PTPRK: variants seen among roughly 807,000 people sequenced by gnomAD.
The protein encoded by PTPRK is receptor-type tyrosine-protein phosphatase kappa.
PTPRK carries 75 observed loss-of-function variants against 178.0 expected under a neutral mutation model. The ratio of observed to expected loss-of-function variants is 0.42; its 90% CI spans 0.35 to 0.51. The LOEUF is 0.51. PTPRK is among the 20% of genes least tolerant of loss of function. The pLI is 0.02. For synonymous variants in PTPRK, 637 were observed against 620.6 expected (o/e 1.03, Z -0.39); for missense variants, 1,441 against 1,797.8 (o/e 0.80, Z 3.59).
chr6:128,251,469 T>TA (rs1439529295), intron 3 of PTPRK, among the ~76,000 whole-genome samples: 2 of 152,162 alleles, frequency 1.3e-5, no homozygotes, highest in Non-Finnish European at 1.5e-5. Flanking sequence ...GTCCTGAGAT[T>TA]AAAAATGGCT....
chr6:128,016,059 AT>A (rs1413049164), intron 13 of PTPRK, among the ~76,000 whole-genome samples: 1 of 151,930 alleles, frequency 6.6e-6, no homozygotes, highest in African/African-American at 2.4e-5. Flanking sequence ...TTTGACTGAA[AT>A]TTGTATTACA....
intron 22 of PTPRK, among the ~76,000 whole-genome samples, chr6:127,984,168 C>T (rs1291510711): frequency 6.6e-6 from 1 of 152,082 alleles, no homozygotes; most frequent in Non-Finnish European, 1.5e-5. Context: ...TTTTAATACA[C>T]ATAATGTAGA....
At chr6:128,379,702 A>G (rs1300272907) in intron 2 of PTPRK, among the ~76,000 whole-genome samples, 2 of 152,190 alleles carry the variant, frequency 1.3e-5, no homozygotes, top group African/African-American at 4.8e-5. Flanking sequence ...AAAAACAGCA[A>G]ATCCTTTACA....
At chr6:128,238,208 G>GAAA in intron 5 of PTPRK, 3 of 252,862 alleles carry the variant, frequency 1.2e-5, no homozygotes, top group East Asian at 2.2e-4. Flanking sequence ...AAAAAGAAAA[G>GAAA]AAAAAAAAAA....
chr6:128,485,315 C>T (rs1020753612), intron 1 of PTPRK, among the ~76,000 whole-genome samples: 5 of 152,198 alleles, frequency 3.3e-5, no homozygotes, highest in African/African-American at 9.7e-5. Flanking sequence ...AGTTCTGCTG[C>T]CATCAGATTT....
Position 128,221,172 on chromosome 6 carries a change from C to A in PTPRK, c.694-2076G>T, listed in dbSNP as rs565323269. 3.9e-5 allele frequency among the ~76,000 whole-genome samples: 6 copies of A among 152,236 alleles called. No individual in the cohort carries two copies. The South Asian group carries it at 1.2e-3, about 32-fold the overall frequency. On this transcript the variant is annotated intron_variant, in intron 5 of 29. Transcript: ENST00000368226. ...TTATTGTTTTCTATGATTTTTTGTA[C>A]ATTTGAAATTATATTTTTAGAGTAA...
rs535311665 is a variant in PTPRK, at chr6:128,067,701, G to C, written c.1975C>G (p.Gln659Glu). ...GGTGCACCCCCACTCATGGCATTTT[G>C]GTATGTGACAGGAACCTGGTAGCAT... The part of the protein sequence containing the change: ...MECYQVPVTY[Q>E]NAMSGGAPYY... Residue 659 changes from glutamine to glutamate, a missense_variant, in exon 12 of 30, where the codon CAA becomes GAA. Physicochemically the swap from Gln to Glu is conservative, Grantham distance 29. Coordinates refer to ENST00000368226, the MANE Select transcript of PTPRK (RefSeq NM_002844.4). The C allele has an allele frequency of 8.1e-6, 13 of 1,613,700 alleles. No homozygotes were observed. The highest frequency in any genetic ancestry group is 1.0e-5 in the Non-Finnish European group (12 of 1,179,744).
At chr6:128,169,287 A>G (rs888528394) in intron 7 of PTPRK, among the ~76,000 whole-genome samples, 10 of 152,108 alleles carry the variant, frequency 6.6e-5, no homozygotes, top group African/African-American at 2.2e-4. Context: ...TTATTTCAGC[A>G]TCTACATGTA....
chr6:128,368,198 A>C (rs1297446759), intron 2 of PTPRK, among the ~76,000 whole-genome samples: 2 of 152,110 alleles, frequency 1.3e-5, no homozygotes, highest in Admixed American at 6.6e-5. Context: ...GCAGAGACTA[A>C]ATTTAATGAA....
At chr6:128,138,048 CTT>C (rs1270635018) in intron 7 of PTPRK, among the ~76,000 whole-genome samples, 1 of 152,136 alleles carries the variant, frequency 6.6e-6, no homozygotes, top group Non-Finnish European at 1.5e-5. Flanking sequence ...AAAATAAAGA[CTT>C]ATTATTATCA....
chr6:128,254,905 C>T (rs1266588344), intron 3 of PTPRK, among the ~76,000 whole-genome samples: 2 of 152,104 alleles, frequency 1.3e-5, no homozygotes, highest in African/African-American at 2.4e-5. Context: ...ATTATAAAGG[C>T]TTGAAACTCT....
chr6:128,520,137 C>T (rs1281475638), intron 1 of PTPRK, 122 bp downstream of exon 1: 5 of 833,500 alleles, frequency 6.0e-6, no homozygotes, highest in African/African-American at 1.7e-5. Flanking sequence ...ACCCTGTGTT[C>T]CCCACCCCCG....
At chr6:128,253,602 G>A (rs1292388294) in intron 3 of PTPRK, among the ~76,000 whole-genome samples, 1 of 152,134 alleles carries the variant, frequency 6.6e-6, no homozygotes, top group Non-Finnish European at 1.5e-5. Context: ...CAATCCACAA[G>A]CAGAACCTTT....
At chr6:128,302,416 A>G (rs1426744141) in intron 3 of PTPRK, among the ~76,000 whole-genome samples, 1 of 150,294 alleles carries the variant, frequency 6.7e-6, no homozygotes, top group African/African-American at 2.5e-5. Flanking sequence ...AAAAAAAAAA[A>G]AGCCAGGAAA....
At chr6:128,511,556 C>G (rs1284140359) in intron 1 of PTPRK, among the ~76,000 whole-genome samples, 1 of 152,130 alleles carries the variant, frequency 6.6e-6, no homozygotes, top group Non-Finnish European at 1.5e-5. Flanking sequence ...CTAAGAAGCT[C>G]CTGGAATACC....
intron 6 of PTPRK, among the ~76,000 whole-genome samples, chr6:128,212,404 G>C (rs1808365272): frequency 1.3e-5 from 2 of 151,896 alleles, no homozygotes; most frequent in African/African-American, 4.8e-5. Context: ...TTTATTTTTG[G>C]TTTGGGGTAA....
chr6:128,146,553 C>G (rs942817088), intron 7 of PTPRK, among the ~76,000 whole-genome samples: 13 of 151,776 alleles, frequency 8.6e-5, no homozygotes, highest in African/African-American at 2.7e-4. Flanking sequence ...AAGCGATTCT[C>G]CTGCCTCAGC....
intron 1 of PTPRK, among the ~76,000 whole-genome samples, chr6:128,419,167 T>A (rs944669702): frequency 7.2e-5 from 11 of 152,252 alleles, no homozygotes; most frequent in African/African-American, 2.4e-4. Flanking sequence ...TCTACAGAGC[T>A]GTAAGGAAAA....
At chr6:128,352,253 C>CAAA (rs10665459) in intron 2 of PTPRK, among the ~76,000 whole-genome samples, 1,593 of 94,204 alleles carry the variant, frequency 0.017, 75 homozygotes, top group East Asian at 0.065. Context: ...GACTTCATCT[C>CAAA]AAAAAAAAAA....
Sources: allele counts gnomAD v4.1 joint callset (sites outside exome capture counted in the v4.1 genomes callset), GRCh38; gene constraint gnomAD v4.1.1; transcripts MANE v1.5; gene names NCBI Gene and HGNC (gene_info 2026-07-23, HGNC 2026-07-21).